CORO2B: variants seen among roughly 807,000 people sequenced by gnomAD.
The protein encoded by CORO2B is coronin 2B.
In CORO2B, 26 loss-of-function variants were observed where a neutral mutation model predicts 58.8. That is an observed-to-expected ratio of 0.44 (90% CI 0.32 to 0.61). The LOEUF is 0.61. CORO2B is among the 20% of genes least tolerant of loss of function. The probability of loss-of-function intolerance (pLI) is 0.04; values close to 1 mark genes in which losing one functional copy is unlikely to be tolerated. For missense variants in CORO2B, 460 were observed against 645.1 expected, an observed-to-expected ratio of 0.71 and a Z score of 3.11; for synonymous variants, 242 against 253.8, an observed-to-expected ratio of 0.95 and a Z score of 0.44.
At chr15:68,576,173 A>AAAAAAAG (rs1555409381), upstream of CORO2B, among the ~76,000 whole-genome samples, 1 of 103,844 alleles carries the variant, frequency 9.6e-6, no homozygotes, top group Non-Finnish European at 1.9e-5. Flanking sequence ...AAAAAAAAAA[A>AAAAAAAG]AAAGAAAGAA....
chr15:68,546,936 C>T, the CORO2B span, among the ~76,000 whole-genome samples: 1 of 152,044 alleles, frequency 6.6e-6, no homozygotes, highest in Admixed American at 6.6e-5. Flanking sequence ...TCTTACGTAC[C>T]AATGGATTTG....
chr15:68,557,620 C>G, the CORO2B span, among the ~76,000 whole-genome samples: 1 of 152,240 alleles, frequency 6.6e-6, no homozygotes, highest in Non-Finnish European at 1.5e-5. Context: ...CTAACCAGAG[C>G]AGCAGTGAGG....
At chr15:68,607,014 A>G (rs770755199) in intron 1 of CORO2B, among the ~76,000 whole-genome samples, 48 of 152,152 alleles carry the variant, frequency 3.2e-4, no homozygotes, top group Non-Finnish European at 6.5e-4. Context: ...TTCTCCAAAC[A>G]TCTTGAGTCT....
chr15:68,701,587 GC>G (rs1892652189), intron 3 of CORO2B, among the ~76,000 whole-genome samples: 1 of 143,972 alleles, frequency 6.9e-6, no homozygotes, highest in South Asian at 2.3e-4. Flanking sequence ...CCGGGTTCAC[GC>G]CATTCTCCTG....
chr15:68,564,795 G>A, the CORO2B span, among the ~76,000 whole-genome samples: 1 of 152,196 alleles, frequency 6.6e-6, no homozygotes, highest in Non-Finnish European at 1.5e-5. Flanking sequence ...CATTTTATCT[G>A]ATTTTTGCAG....
the CORO2B span, among the ~76,000 whole-genome samples, chr15:68,533,409 TAAAC>T: frequency 3.3e-5 from 5 of 152,180 alleles, no homozygotes; most frequent in Non-Finnish European, 7.3e-5. Flanking sequence ...GTTTGCAGCT[TAAAC>T]AGACATGTAA....
At chr15:68,576,076 C>T (rs946439190), upstream of CORO2B, among the ~76,000 whole-genome samples, 11 of 136,518 alleles carry the variant, frequency 8.1e-5, no homozygotes, top group Admixed American at 2.6e-4. Flanking sequence ...TCGCTTGAAC[C>T]CGAGAGGCAG....
chr15:68,588,114 G>C (rs1053914838), intron 1 of CORO2B, among the ~76,000 whole-genome samples: 5 of 152,198 alleles, frequency 3.3e-5, no homozygotes, highest in Non-Finnish European at 5.9e-5. Context: ...GCAGGAAATG[G>C]TTTATTGTGA....
intron 2 of CORO2B, among the ~76,000 whole-genome samples, chr15:68,668,180 A>G (rs2165257): frequency 0.21 from 32,207 of 152,168 alleles, 3,629 homozygotes; most frequent in Non-Finnish European, 0.25. Flanking sequence ...GTTTAGCACC[A>G]TGCCTGACAC....
chr15:68,649,373 A>G (rs1350681199), intron 2 of CORO2B, among the ~76,000 whole-genome samples: 1 of 152,184 alleles, frequency 6.6e-6, no homozygotes, highest in Non-Finnish European at 1.5e-5. Flanking sequence ...TTCACTTTAC[A>G]TGAGTACTGA....
chr15:68,563,705 A>G, the CORO2B span, among the ~76,000 whole-genome samples: 21 of 152,124 alleles, frequency 1.4e-4, no homozygotes, highest in Non-Finnish European at 4.4e-5. Flanking sequence ...AATTGGGGAC[A>G]ATACTACCAA....
chr15:68,659,598 A>C (rs1481658280), intron 2 of CORO2B, among the ~76,000 whole-genome samples: 1 of 152,160 alleles, frequency 6.6e-6, no homozygotes, highest in Admixed American at 6.5e-5. Context: ...AAGGAAGAGA[A>C]AATATATTTA....
At chr15:68,628,383 A>G (rs1900738286) in intron 1 of CORO2B, among the ~76,000 whole-genome samples, 2 of 152,240 alleles carry the variant, frequency 1.3e-5, no homozygotes, top group African/African-American at 4.8e-5. Flanking sequence ...TATGGGGAAG[A>G]TAATAGCGCC....
At chr15:68,603,327 G>A (rs748358387) in intron 1 of CORO2B, among the ~76,000 whole-genome samples, 5 of 152,174 alleles carry the variant, frequency 3.3e-5, no homozygotes, top group Admixed American at 2.0e-4. Context: ...ACAGATGAGC[G>A]AAAGTTGGCC....
In CORO2B at chr15:68,623,378, A is replaced by G. The variant is rs1054695546; in HGVS notation, c.16-21782A>G. On this transcript the variant is annotated intron_variant, in intron 1 of 11. Transcript: ENST00000261861. The stretch of plus-strand genomic sequence containing the variant: ...CAGACCCTGGGTGCTTTGCACCACC[A>G]TTGGAAGGTCATGTGGGAGCCCTGG... Among the ~76,000 whole-genome samples, 46 of 152,204 alleles carry G rather than the reference A, an allele frequency of 3.0e-4. 1 individual carries two copies. The highest frequency in any genetic ancestry group is 2.1e-3 in the South Asian group (10 of 4,824).
chr15:68,519,162 G>A, the CORO2B span, among the ~76,000 whole-genome samples: 2 of 152,164 alleles, frequency 1.3e-5, no homozygotes, highest in African/African-American at 4.8e-5. Flanking sequence ...CATCCTGTGG[G>A]CATCTCTGGG....
At chr15:68,677,137 A>T (rs1318364556) in intron 2 of CORO2B, among the ~76,000 whole-genome samples, 2 of 152,010 alleles carry the variant, frequency 1.3e-5, no homozygotes, top group African/African-American at 4.8e-5. Flanking sequence ...CCCCGGAGGC[A>T]CACCCTCCCT....
At chr15:68,542,860 C>G in the CORO2B span, among the ~76,000 whole-genome samples, 1 of 152,226 alleles carries the variant, frequency 6.6e-6, no homozygotes, top group Non-Finnish European at 1.5e-5. Flanking sequence ...TGGAGCAGCC[C>G]TAGTGTCTGC....
intron 1 of CORO2B, among the ~76,000 whole-genome samples, chr15:68,582,139 G>A (rs1452021182): frequency 2.6e-5 from 4 of 152,178 alleles, no homozygotes; most frequent in Admixed American, 2.0e-4. Flanking sequence ...ATGAGGCACA[G>A]CTGCTAAAGC....
Sources: allele counts gnomAD v4.1 joint callset (sites outside exome capture counted in the v4.1 genomes callset), GRCh38; gene constraint gnomAD v4.1.1; transcripts MANE v1.5; gene names NCBI Gene and HGNC (gene_info 2026-07-23, HGNC 2026-07-21).